The following ZFPM1 variants were observed in gnomAD, a reference collection of about 807,000 sequenced individuals.
The protein encoded by ZFPM1 is zinc finger protein, FOG family member 1, also known as zinc finger protein ZFPM1.
In ZFPM1, 28 loss-of-function variants were observed where a neutral mutation model predicts 46.3. The observed-to-expected ratio is 0.60, with a 90% CI of 0.45 to 0.83. ZFPM1 has a LOEUF of 0.83. Among genes scored for constraint, ZFPM1 ranks in the 40% least tolerant of loss-of-function variants. The pLI is 0.00. For missense variants in ZFPM1, 1,878 were observed against 1,432.4 expected (o/e 1.31, Z -5.02); for synonymous variants, 957 against 675.9 (o/e 1.42, Z -6.45).
Position 88,461,143 on chromosome 16 carries a change from TGAGGACCGA to T in ZFPM1, c.40+7467_40+7475del, listed in dbSNP as rs1470051231. On this transcript the variant is annotated intron_variant, in intron 1 of 9. Transcript: ENST00000319555. ...CCCAGGGATGGGGCGGGAGACCTGG[TGAGGACCGA>T]GGGGCGGGAGACCTGGTGAGGACCG... Among the ~76,000 whole-genome samples the T allele has an allele frequency of 1.0e-3, 80 of 79,692 alleles. 12 individuals are homozygous for T. Among genetic ancestry groups the T allele is most frequent in the East Asian group, 4.1e-3 (10 of 2,456 alleles). The allele number at this position is 79,692 out of a possible 152,430, so 52.3% of individuals were successfully genotyped here.
intron 6 of ZFPM1, among the ~76,000 whole-genome samples, chr16:88,530,091 G>A (rs993193990): frequency 5.9e-5 from 9 of 152,222 alleles, no homozygotes; most frequent in Non-Finnish European, 1.0e-4. Context: ...AAGAAGGCAC[G>A]GAGGGGATGG....
In ZFPM1 at chr16:88,489,098, G is replaced by C. The variant is rs1328817326; in HGVS notation, c.213G>C (p.Gln71His). 1.2e-6 allele frequency: 2 copies of C among 1,612,936 alleles called. No individual in the cohort carries two copies. The highest frequency in any genetic ancestry group is 1.1e-5 in the South Asian group (1 of 91,042). ...SPGGPKELEG[Q>H]EPEPRPTEEE... is the part of the protein sequence containing the mutation. ...GAGGCCCCAAGGAGCTGGAAGGACA[G>C]GAACCAGAACCCAGGCCCACGGAGG... Residue 71 changes from glutamine (Q) to histidine (H), a missense_variant, in exon 3 of 10, where the codon CAG becomes CAC. Transcript: ENST00000319555.
chr16:88,459,853 C>T (rs953366324), intron 1 of ZFPM1, among the ~76,000 whole-genome samples: 1 of 141,218 alleles, frequency 7.1e-6, no homozygotes, highest in Non-Finnish European at 1.5e-5. Context: ...TGGTTTCCAG[C>T]TTATCTGAGA....
intron 3 of ZFPM1, among the ~76,000 whole-genome samples, chr16:88,506,011 G>C (rs940051955): frequency 3.9e-5 from 6 of 152,222 alleles, no homozygotes; most frequent in African/African-American, 1.4e-4. Flanking sequence ...GAAGCCCTTT[G>C]TTAACCTCTG....
chr16:88,520,204 G>T (rs1421909332), intron 4 of ZFPM1, among the ~76,000 whole-genome samples: 1 of 147,960 alleles, frequency 6.8e-6, no homozygotes, highest in Non-Finnish European at 1.5e-5. Flanking sequence ...GGGTAGATGG[G>T]TAGATGGACA....
intron 1 of ZFPM1, among the ~76,000 whole-genome samples, chr16:88,454,916 G>A (rs1907468773): frequency 6.6e-6 from 1 of 152,176 alleles, no homozygotes; most frequent in African/African-American, 2.4e-5. Context: ...CGGGGCCTGT[G>A]GGAGCTTCCC....
intron 1 of ZFPM1, among the ~76,000 whole-genome samples, chr16:88,462,195 C>G (rs1279592243): frequency 6.6e-6 from 1 of 152,226 alleles, no homozygotes; most frequent in Non-Finnish European, 1.5e-5. Flanking sequence ...GGGCTGCTGG[C>G]TGTGGTCTTG....
intron 3 of ZFPM1, 88 bp downstream of exon 3, chr16:88,489,241 C>T: frequency 1.4e-6 from 2 of 1,477,188 alleles, no homozygotes; most frequent in East Asian, 5.0e-5. Flanking sequence ...GGTGCTGGGG[C>T]AGGTGTGCAG....
At chr16:88,519,352 A>G (rs1191833215) in intron 4 of ZFPM1, among the ~76,000 whole-genome samples, 1 of 131,292 alleles carries the variant, frequency 7.6e-6, no homozygotes, top group Non-Finnish European at 1.6e-5. Context: ...TGAATGGATG[A>G]GTGGATGGAT....
At chr16:88,506,480 T>C (rs1410965566) in intron 3 of ZFPM1, among the ~76,000 whole-genome samples, 1 of 114,330 alleles carries the variant, frequency 8.7e-6, no homozygotes. Context: ...TAACACAGAA[T>C]AATCCAGAAA....
chr16:88,461,266 G>A lies in ZFPM1; in HGVS notation c.40+7588G>A, dbSNP rs965499709. Among the ~76,000 whole-genome samples the A allele has an allele frequency of 8.1e-5, 12 of 147,316 alleles. 1 individual carries two copies. Among genetic ancestry groups the A allele is most frequent in the South Asian group, 2.2e-4 (1 of 4,524 alleles). On this transcript the variant is annotated intron_variant, in intron 1 of 9. Transcript: ENST00000319555. ...GGGGCGGGAGGCCCTGGTGAGGACC[G>A]ACGGGTGCGAGGCCTGGTGAGGACC...
intron 4 of ZFPM1, among the ~76,000 whole-genome samples, chr16:88,526,372 C>G (rs1912320502): frequency 6.6e-6 from 1 of 152,202 alleles, no homozygotes; most frequent in Admixed American, 6.5e-5. Flanking sequence ...GAAGGAGCCT[C>G]TACCAGGTCC....
chr16:88,457,022 G>C (rs949803419), intron 1 of ZFPM1, among the ~76,000 whole-genome samples: 1 of 152,228 alleles, frequency 6.6e-6, no homozygotes, highest in African/African-American at 2.4e-5. Context: ...CTCAGAGTTT[G>C]ATTAAACAAA....
chr16:88,534,998 C>A lies in ZFPM1; in HGVS notation c.*19C>A. On this transcript the variant is annotated 3_prime_UTR_variant, in exon 10 of 10. Coordinates refer to ENST00000319555, the MANE Select transcript of ZFPM1 (RefSeq NM_153813.3). ...GAAGTGAGCGCCCACACTACAGCCG[C>A]AGACGCTTTGCACGCCCCGCTGCGA... The A allele has an allele frequency of 7.2e-7, 1 of 1,384,182 alleles. No individual in the cohort carries two copies. Among genetic ancestry groups the A allele is most frequent in the South Asian group, 1.7e-5 (1 of 58,912 alleles). 85.7% of individuals were successfully genotyped at this position (1,384,182 alleles called of 1,614,324 possible). A position where few individuals can be genotyped will look rare whatever the true frequency, so the allele number is the denominator to read the frequency against.
At chr16:88,511,977 C>T (rs1322706105) in intron 3 of ZFPM1, among the ~76,000 whole-genome samples, 1 of 152,188 alleles carries the variant, frequency 6.6e-6, no homozygotes, top group African/African-American at 2.4e-5. Context: ...GGAGGCCCCT[C>T]GCCCAGCCCC....
At chr16:88,487,927 C>T (rs1909324922) in intron 2 of ZFPM1, among the ~76,000 whole-genome samples, 1 of 152,252 alleles carries the variant, frequency 6.6e-6, no homozygotes, top group South Asian at 2.1e-4. Context: ...CCGCTGGCTG[C>T]CACTCCTCCC....
chr16:88,482,178 AAGC>A (rs1364691790), intron 1 of ZFPM1, among the ~76,000 whole-genome samples: 2 of 152,076 alleles, frequency 1.3e-5, no homozygotes, highest in Non-Finnish European at 2.9e-5. Context: ...CATGGGGAGA[AAGC>A]AGCAGAGAGC....
In ZFPM1 at chr16:88,489,395, T is replaced by C. The variant is rs551748196; in HGVS notation, c.268+242T>C. Reference sequence around the variant, plus strand: ...TACAAGGAAGCGCTGGGGGGTTCCCTGGATCAGAGCCTGGTCTGGGCCGCG... The same window carrying C: ...TACAAGGAAGCGCTGGGGGGTTCCCCGGATCAGAGCCTGGTCTGGGCCGCG... On this transcript the variant is annotated intron_variant, in intron 3 of 9. Transcript: ENST00000319555. The C allele has an allele frequency of 9.1e-5, 46 of 507,568 alleles. No homozygotes were observed. In the East Asian group the frequency reaches 1.2e-3, roughly 13 times the overall value. The allele number at this position is 507,568 out of a possible 1,614,324, so 31.4% of individuals were successfully genotyped here. A position where few individuals can be genotyped will look rare whatever the true frequency, so the allele number is the denominator to read the frequency against.
chr16:88,472,719 C>T (rs1042419552), intron 1 of ZFPM1, among the ~76,000 whole-genome samples: 15 of 152,242 alleles, frequency 9.9e-5, no homozygotes, highest in African/African-American at 3.4e-4. Flanking sequence ...TTCCCGTGTA[C>T]AGCTCAGGAC....
Sources: gnomAD v4.1 joint callset for allele counts (sites outside exome capture counted in the v4.1 genomes callset) on GRCh38, gnomAD v4.1.1 for gene constraint, MANE v1.5 for transcripts, NCBI Gene and HGNC (gene_info 2026-07-23, HGNC 2026-07-21) for gene names.